FBXL20: variants seen among roughly 807,000 people sequenced by gnomAD.
FBXL20 encodes the protein F-box/LRR-repeat protein 20.
A neutral mutation model predicts 64.0 loss-of-function variants in FBXL20; 11 were observed. The observed-to-expected ratio is 0.17, with a 90% CI of 0.11 to 0.28. The LOEUF (loss-of-function observed/expected upper bound fraction) is 0.28, where lower values mean the gene tolerates loss of function less well. Among genes scored for constraint, FBXL20 ranks in the 10% least tolerant of loss-of-function variants. The probability of loss-of-function intolerance (pLI) is 1.00; values close to 1 mark genes in which losing one functional copy is unlikely to be tolerated. For synonymous variants in FBXL20, 184 were observed against 189.0 expected, an observed-to-expected ratio of 0.97 and a Z score of 0.22; for missense variants, 303 against 526.2, an observed-to-expected ratio of 0.58 and a Z score of 4.15.
At chr17:39,321,476 A>G (rs933373445) in intron 2 of FBXL20, among the ~76,000 whole-genome samples, 8 of 149,082 alleles carry the variant, frequency 5.4e-5, no homozygotes, top group African/African-American at 9.9e-5. Flanking sequence ...AAAAAAAAAA[A>G]AAAAGAAAAA....
intron 1 of FBXL20, among the ~76,000 whole-genome samples, chr17:39,367,499 TAG>T (rs2047872787): frequency 6.6e-6 from 1 of 151,474 alleles, no homozygotes; most frequent in Non-Finnish European, 1.5e-5. Context: ...ATATTTTTGG[TAG>T]AGACAGGGTT....
rs764327998 is a variant in FBXL20 at position 39,264,171 on chromosome 17, T to C, written c.1203+4A>G. On this transcript the variant is annotated splice_donor_region_variant and intron_variant, in intron 14 of 14. Coordinates refer to ENST00000264658, the MANE Select transcript of FBXL20 (RefSeq NM_032875.3). ...GAGTTGGAGAGTTATGTAGCCATTT[T>C]TACCCTGAGTCTCTTGATTCCAGCC... is the stretch of plus-strand genomic sequence containing the variant. 1 of 1,614,048 alleles carries C rather than the reference T, an allele frequency of 6.2e-7. No individual in the cohort carries two copies. The highest frequency in any genetic ancestry group is 8.5e-7 in the Non-Finnish European group (1 of 1,179,884).
intron 1 of FBXL20, among the ~76,000 whole-genome samples, chr17:39,353,333 C>T (rs557193612): frequency 3.3e-5 from 5 of 152,184 alleles, no homozygotes; most frequent in South Asian, 2.1e-4. Flanking sequence ...TTCCTTTCTA[C>T]GGTCCATGGT....
chr17:39,364,561 G>C (rs565649776), intron 1 of FBXL20, among the ~76,000 whole-genome samples: 92 of 152,306 alleles, frequency 6.0e-4, no homozygotes, highest in African/African-American at 1.7e-3. Context: ...AGTGAGCCAA[G>C]GTCGTGCCAC....
chr17:39,341,740 G>A (rs1395567457), intron 2 of FBXL20, among the ~76,000 whole-genome samples: 2 of 152,128 alleles, frequency 1.3e-5, no homozygotes, highest in Non-Finnish European at 2.9e-5. Context: ...TTGGTATCTT[G>A]TGCACCTGCC....
Position 39,261,309 on chromosome 17 carries a change from TG to T in FBXL20, c.*150del. The T allele has an allele frequency of 1.5e-6, 1 of 682,752 alleles. No individual in the cohort carries two copies. The highest frequency in any genetic ancestry group is 2.1e-5 in the Admixed American group (1 of 48,738). 42.3% of individuals were successfully genotyped at this position (682,752 alleles called of 1,614,324 possible). On this transcript the variant is annotated 3_prime_UTR_variant, in exon 15 of 15. Coordinates refer to ENST00000264658, the MANE Select transcript of FBXL20 (RefSeq NM_032875.3). ...ATGGGGGTAAGGGTGTGTATGTGTA[TG>T]TATGTGTGGCTCTGGGGATCTGGAC...
chr17:39,370,318 C>T (rs929101868), intron 1 of FBXL20, among the ~76,000 whole-genome samples: 7 of 149,062 alleles, frequency 4.7e-5, no homozygotes, highest in Non-Finnish European at 8.9e-5. Context: ...TGGCAAAACC[C>T]AGTCTCTACC....
rs369381327 is a variant in FBXL20, at chr17:39,359,958, GAATTA to G, written c.43-16722_43-16718del. 2.9e-3 allele frequency among the ~76,000 whole-genome samples: 434 copies of G among 151,724 alleles called. 2 individuals are homozygous for G. The Middle Eastern group carries it at 0.061, about 21-fold the overall frequency. Reference sequence around the variant, plus strand: ...TATTAAAAAGCAATTATTACATACAGAATTAAATTATTCAGATAAAACATTAAAGT... The same window carrying G: ...TATTAAAAAGCAATTATTACATACAGAATTATTCAGATAAAACATTAAAGT... On this transcript the variant is annotated intron_variant, in intron 1 of 14. Transcript: ENST00000264658.
intron 10 of FBXL20, among the ~76,000 whole-genome samples, chr17:39,272,187 C>A (rs1284059819): frequency 6.6e-6 from 1 of 151,954 alleles, no homozygotes; most frequent in Non-Finnish European, 1.5e-5. Context: ...GAGATCGAGA[C>A]CAGCCTGGCC....
chr17:39,282,872 A>AT lies in FBXL20; in HGVS notation c.495-18dup. 1 of 1,613,918 alleles carries AT rather than the reference A, an allele frequency of 6.2e-7. No individual in the cohort carries two copies. The highest frequency in any genetic ancestry group is 8.5e-7 in the Non-Finnish European group (1 of 1,179,824). On this transcript the variant is annotated splice_polypyrimidine_tract_variant and intron_variant, in intron 7 of 14. Coordinates refer to ENST00000264658, the MANE Select transcript of FBXL20 (RefSeq NM_032875.3). ...CATCCCTCACTTAGGATAAAACAAA[A>AT]TAAGAGAAACATATCACTAAATCCA...
chr17:39,371,577 G>C (rs935921878), intron 1 of FBXL20, among the ~76,000 whole-genome samples: 1 of 152,058 alleles, frequency 6.6e-6, no homozygotes, highest in Non-Finnish European at 1.5e-5. Context: ...ATCCTCCTCT[G>C]GGATTGGGGT....
intron 2 of FBXL20, among the ~76,000 whole-genome samples, chr17:39,309,817 T>A (rs545591544): frequency 0.016 from 1,978 of 124,306 alleles, 7 homozygotes; most frequent in African/African-American, 0.032. Flanking sequence ...AAAAGAAAAA[T>A]AAAGAAAAGA....
At chr17:39,385,381 GACTT>G (rs943280454) in intron 1 of FBXL20, among the ~76,000 whole-genome samples, 10 of 152,134 alleles carry the variant, frequency 6.6e-5, no homozygotes, top group Non-Finnish European at 1.5e-4. Flanking sequence ...GGAGAAGAAA[GACTT>G]ACTTTTTAAC....
intron 2 of FBXL20, among the ~76,000 whole-genome samples, chr17:39,332,536 CTTTTTT>C (rs58827473): frequency 9.3e-5 from 9 of 96,950 alleles, no homozygotes; most frequent in African/African-American, 3.3e-4. Context: ...TTCTTTGTAT[CTTTTTT>C]TTTTTTTTTT....
At chr17:39,362,098 T>C (rs946031685) in intron 1 of FBXL20, among the ~76,000 whole-genome samples, 1 of 150,782 alleles carries the variant, frequency 6.6e-6, no homozygotes, top group Middle Eastern at 3.4e-3. Flanking sequence ...CCATCCTGGC[T>C]AACACGGTGA....
chr17:39,304,765 TTTG>T (rs1359245963), intron 2 of FBXL20, among the ~76,000 whole-genome samples: 3 of 151,802 alleles, frequency 2.0e-5, no homozygotes, highest in African/African-American at 4.8e-5. Flanking sequence ...CTAATTTTTT[TTTG>T]TTGTTGTTGT....
At chr17:39,275,203 A>G (rs1316760913) in intron 9 of FBXL20, 103 bp from the exon 10 acceptor site, 1 of 1,225,892 alleles carries the variant, frequency 8.2e-7, no homozygotes, top group Non-Finnish European at 1.1e-6. Flanking sequence ...AAAGGAAATC[A>G]AGACATGCTT....
chr17:39,391,896 C>T (rs186166391), intron 1 of FBXL20, among the ~76,000 whole-genome samples: 77 of 150,672 alleles, frequency 5.1e-4, no homozygotes, highest in African/African-American at 1.8e-3. Context: ...GTAATCCTAG[C>T]ACTTTGGGAG....
At position 39,401,600 on chromosome 17, in the gene FBXL20, C is replaced by A; in HGVS notation, c.-198G>T. On this transcript the variant is annotated 5_prime_UTR_variant, in exon 1 of 15. Coordinates refer to ENST00000264658, the MANE Select transcript of FBXL20 (RefSeq NM_032875.3). ...CCCGCGGCGCCGGCGGCCGCAACGA[C>A]TGCTCGTCGCTAGCTCGGCTCTCTC... The A allele has an allele frequency of 7.1e-7, 1 of 1,405,516 alleles. No individual in the cohort carries two copies. Among genetic ancestry groups the A allele is most frequent in the East Asian group, 2.8e-5 (1 of 35,600 alleles). 87.1% of individuals were successfully genotyped at this position (1,405,516 alleles called of 1,614,324 possible).
Sources: gnomAD v4.1 joint callset for allele counts (sites outside exome capture counted in the v4.1 genomes callset) on GRCh38, gnomAD v4.1.1 for gene constraint, MANE v1.5 for transcripts, NCBI Gene and HGNC (gene_info 2026-07-23, HGNC 2026-07-21) for gene names.